Variants in PLEKHH2 observed in about 807,000 individuals in gnomAD.
PLEKHH2 encodes the protein pleckstrin homology domain-containing family H member 2.
In PLEKHH2, 129 loss-of-function variants were observed where a neutral mutation model predicts 187.9. That is an observed-to-expected ratio of 0.69 (90% confidence interval 0.59 to 0.79). The LOEUF (loss-of-function observed/expected upper bound fraction) is 0.79. Ranked by LOEUF, PLEKHH2 falls within the 30% of genes least tolerant of loss-of-function variation. The pLI is 0.00. For synonymous variants in PLEKHH2, 686 were observed against 605.6 expected (o/e 1.13, Z -1.95); for missense variants, 2,076 against 1,751.2 (o/e 1.19, Z -3.31).
intron 29 of PLEKHH2, among the ~76,000 whole-genome samples, 177 bp downstream of exon 29, chr2:43,764,542 C>T (rs928320601): frequency 1.1e-4 from 17 of 152,284 alleles, no homozygotes; most frequent in Non-Finnish European, 2.4e-4. Flanking sequence ...GTCCAACTTA[C>T]ATCATCTTTC....
chr2:43,750,240 G>C (rs1671952681), intron 24 of PLEKHH2, among the ~76,000 whole-genome samples: 2 of 152,220 alleles, frequency 1.3e-5, no homozygotes, highest in African/African-American at 4.8e-5. Flanking sequence ...TGGGATCCTA[G>C]GCAGGCGGAT....
chr2:43,704,737 G>C (rs371784248), intron 9 of PLEKHH2, among the ~76,000 whole-genome samples: 3 of 142,502 alleles, frequency 2.1e-5, no homozygotes, highest in African/African-American at 7.7e-5. Flanking sequence ...AATAAAAAAA[G>C]TTTAGAAAAG....
intron 2 of PLEKHH2, among the ~76,000 whole-genome samples, chr2:43,650,108 T>A (rs745383454): frequency 3.3e-5 from 5 of 151,750 alleles, no homozygotes; most frequent in African/African-American, 4.8e-5. Context: ...AAGCCTGATA[T>A]GGGACCATAG....
At chr2:43,741,139 A>T (rs1671544212) in intron 21 of PLEKHH2, 96 bp downstream of exon 21, 1 of 1,110,608 alleles carries the variant, frequency 9.0e-7, no homozygotes, top group Non-Finnish European at 1.3e-6. Flanking sequence ...ACATTTTCAG[A>T]AGAATGTATG....
At position 43,707,196 on chromosome 2, in the gene PLEKHH2, C is replaced by CAAAAAAAA. The variant is rs60819579; in HGVS notation, c.1822-192_1822-185dup. Among the ~76,000 whole-genome samples the CAAAAAAAA allele has an allele frequency of 9.1e-4, 80 of 88,174 alleles. 2 individuals carry two copies. Among genetic ancestry groups the CAAAAAAAA allele is most frequent in the African/African-American group, 3.4e-3 (73 of 21,444 alleles). The allele number at this position is 88,174 out of a possible 152,430, so 57.8% of individuals were successfully genotyped here. A position where few individuals can be genotyped will look rare whatever the true frequency, so the allele number is the denominator to read the frequency against. On this transcript the variant is annotated intron_variant, in intron 10 of 29. Transcript: ENST00000282406. The stretch of plus-strand genomic sequence containing the variant: ...GGGTGACAAGAGCAAGACTCCACCT[C>CAAAAAAAA]AAAAAAAAAAAAAAAAAAAATTCTA...
intron 24 of PLEKHH2, among the ~76,000 whole-genome samples, chr2:43,748,806 G>A (rs1411714592): frequency 1.3e-5 from 2 of 151,636 alleles, no homozygotes; most frequent in Non-Finnish European, 2.9e-5. Context: ...GCCCAGGCTG[G>A]AGTGCAATGG....
chr2:43,640,476 G>C (rs540535914), intron 1 of PLEKHH2, among the ~76,000 whole-genome samples: 1 of 152,196 alleles, frequency 6.6e-6, no homozygotes, highest in Non-Finnish European at 1.5e-5. Context: ...TTACAGGCGT[G>C]AGCCACCATG....
chr2:43,684,990 G>A (rs1015839614), intron 3 of PLEKHH2, among the ~76,000 whole-genome samples: 1 of 152,002 alleles, frequency 6.6e-6, no homozygotes, highest in Non-Finnish European at 1.5e-5. Context: ...TCTAAAAGTC[G>A]ACAGGAAATA....
intron 1 of PLEKHH2, among the ~76,000 whole-genome samples, chr2:43,641,876 C>G (rs534823466): frequency 3.8e-4 from 58 of 152,316 alleles, no homozygotes; most frequent in Non-Finnish European, 7.1e-4. Context: ...ACTGTGTAAT[C>G]AAGCTACTGT....
intron 15 of PLEKHH2, among the ~76,000 whole-genome samples, chr2:43,716,352 G>C (rs1291080608): frequency 1.3e-5 from 2 of 152,162 alleles, no homozygotes; most frequent in Admixed American, 6.5e-5. Context: ...GTAGGACATT[G>C]AGTGATATCA....
intron 15 of PLEKHH2, among the ~76,000 whole-genome samples, chr2:43,720,033 G>A (rs1205003316): frequency 6.6e-6 from 1 of 152,154 alleles, no homozygotes; most frequent in African/African-American, 2.4e-5. Flanking sequence ...GGTACAAGTG[G>A]AATTCTATTA....
At chr2:43,675,387 T>G (rs760088884) in intron 2 of PLEKHH2, 3 of 1,585,376 alleles carry the variant, frequency 1.9e-6, no homozygotes, top group African/African-American at 1.3e-5. Flanking sequence ...AGTCATTTTC[T>G]GAACCAACTG....
chr2:43,703,109 G>A lies in PLEKHH2; in HGVS notation c.1651-872G>A, dbSNP rs180962291. On this transcript the variant is annotated intron_variant, in intron 8 of 29. Transcript: ENST00000282406. ...TCAATCGAAAATGTCCCTGATAGTC[G>A]GAGAACTCATGCCAGTTGCCTCTCA... Among the ~76,000 whole-genome samples the A allele has an allele frequency of 6.8e-4, 104 of 152,268 alleles. 1 individual carries two copies. In the East Asian group the frequency reaches 0.013, roughly 20 times the overall value.
intron 15 of PLEKHH2, among the ~76,000 whole-genome samples, chr2:43,718,525 G>A (rs966365574): frequency 1.3e-4 from 19 of 150,074 alleles, no homozygotes; most frequent in East Asian, 3.9e-4. Flanking sequence ...GTGGCAGAGC[G>A]AGACTCCGTC....
rs958463163 is a variant in PLEKHH2, at chr2:43,717,446, A to C, written c.2461-3223A>C. Among the ~76,000 whole-genome samples, 35 of 134,176 alleles carry C rather than the reference A, an allele frequency of 2.6e-4. 1 individual carries two copies. Among genetic ancestry groups the C allele is most frequent in the Admixed American group, 2.5e-3 (34 of 13,438 alleles). The allele number at this position is 134,176 out of a possible 152,430, so 88.0% of individuals were successfully genotyped here. On this transcript the variant is annotated intron_variant, in intron 15 of 29. Transcript: ENST00000282406. ...CAAACAAACAAACAAACAAACAAAC[A>C]AACCCAAGAATAGGAGTGTGGTAAG... is the stretch of plus-strand genomic sequence containing the variant.
intron 2 of PLEKHH2, among the ~76,000 whole-genome samples, chr2:43,660,368 T>C (rs552290192): frequency 1.3e-5 from 2 of 152,194 alleles, no homozygotes; most frequent in South Asian, 2.1e-4. Flanking sequence ...TGGATGTATA[T>C]GTCTTTATTT....
chr2:43,696,792 C>T (rs937814145), intron 6 of PLEKHH2, among the ~76,000 whole-genome samples: 2 of 152,130 alleles, frequency 1.3e-5, no homozygotes, highest in African/African-American at 4.8e-5. Context: ...TTCACAGTGG[C>T]ATACTGTGCA....
intron 2 of PLEKHH2, among the ~76,000 whole-genome samples, chr2:43,659,196 T>C (rs188624497): frequency 6.6e-6 from 1 of 150,778 alleles, no homozygotes; most frequent in East Asian, 1.9e-4. Context: ...TTTTGTCATG[T>C]TGCCCAGGCT....
chr2:43,692,799 C>A, intron 4 of PLEKHH2, 136 bp downstream of exon 4: 1 of 952,578 alleles, frequency 1.0e-6, no homozygotes, highest in Non-Finnish European at 1.6e-6. Context: ...AGGATTGCAT[C>A]ACATTTATTG....
Sources: allele counts gnomAD v4.1 joint callset (sites outside exome capture counted in the v4.1 genomes callset), GRCh38; gene constraint gnomAD v4.1.1; transcripts MANE v1.5; gene names NCBI Gene and HGNC (gene_info 2026-07-23, HGNC 2026-07-21).